The following GOLGA2 variants were observed in gnomAD, a reference collection of about 807,000 sequenced individuals.
The protein encoded by GOLGA2 is golgin subfamily A member 2.
GOLGA2 carries 49 observed loss-of-function variants against 148.8 expected under a neutral mutation model. The observed-to-expected ratio is 0.33, with a 90% CI of 0.26 to 0.42. The LOEUF (loss-of-function observed/expected upper bound fraction) is 0.42, where lower values mean the gene tolerates loss of function less well. Ranked by LOEUF, GOLGA2 falls within the 10% of genes least tolerant of loss-of-function variation. The pLI is 1.00. For missense variants in GOLGA2, 1,178 were observed against 1,304.6 expected, an observed-to-expected ratio of 0.90 and a Z score of 1.49; for synonymous variants, 501 against 511.8, an observed-to-expected ratio of 0.98 and a Z score of 0.28.
chr9:128,257,012 TG>T lies in GOLGA2; in HGVS notation c.*54del. Reference sequence around the variant, plus strand: ...CTGAGAAGGGATGGTAGGGATATGGTGGGGGCAGGGTATCCAGCCCCACTTC... The same window carrying T: ...CTGAGAAGGGATGGTAGGGATATGGTGGGGCAGGGTATCCAGCCCCACTTC... On this transcript the variant is annotated 3_prime_UTR_variant, in exon 27 of 27. Transcript: ENST00000611957. The surrounding 1 kb of genome is among the most constrained non-coding windows in gnomAD (Gnocchi z 8.0). 8 of 1,292,722 alleles carry T rather than the reference TG, an allele frequency of 6.2e-6. No homozygotes were observed. The highest frequency in any genetic ancestry group is 6.7e-6 in the Non-Finnish European group (6 of 901,140). 80.1% of individuals were successfully genotyped at this position (1,292,722 alleles called of 1,614,324 possible). A position where few individuals can be genotyped will look rare whatever the true frequency, so the allele number is the denominator to read the frequency against.
intron 7 of GOLGA2, 39 bp from the exon 8 acceptor site, chr9:128,267,313 G>A (rs539131846): frequency 6.8e-7 from 1 of 1,468,260 alleles, no homozygotes; most frequent in Non-Finnish European, 9.5e-7. Flanking sequence ...GAGGAGGATT[G>A]GGGGGAGAGG....
Position 128,258,830 on chromosome 9 carries a change from C to G in GOLGA2, c.2173+177G>C, listed in dbSNP as rs111534460. 166 of 628,808 alleles carry G rather than the reference C, an allele frequency of 2.6e-4. 5 individuals are homozygous for G. Among genetic ancestry groups the G allele is most frequent in the African/African-American group, 2.2e-3 (122 of 54,616 alleles). The allele number at this position is 628,808 out of a possible 1,614,324, so 39.0% of individuals were successfully genotyped here. The stretch of plus-strand genomic sequence containing the variant: ...GCCAGTTCACCCATCCTTAGGTAAG[C>G]TGGTAGTGCCCTGCTCCCAGGAAGT... On this transcript the variant is annotated intron_variant, in intron 21 of 26. Coordinates refer to ENST00000611957, the MANE Select transcript of GOLGA2 (RefSeq NM_001366244.2). The surrounding 1 kb of genome is among the most constrained non-coding windows in gnomAD (Gnocchi z 6.6).
intron 2 of GOLGA2, among the ~76,000 whole-genome samples, chr9:128,273,447 C>T (rs559888876): frequency 2.0e-5 from 3 of 152,160 alleles, no homozygotes; most frequent in Non-Finnish European, 4.4e-5. Flanking sequence ...GGGGCCCTTT[C>T]AGTGACTCCT....
rs778190317 is a variant in GOLGA2 at position 128,263,084 on chromosome 9, C to T, written c.942G>A (p.Lys314=). The change falls in exon 13 of 27, where the codon AAG becomes AAA. Residue 314 remains lysine (K), a synonymous_variant. Coordinates refer to ENST00000611957, the MANE Select transcript of GOLGA2 (RefSeq NM_001366244.2). Reference sequence around the variant, plus strand: ...GGGCGTCTCTCTCTTTGGTTAACTCCTTGTTGTACTGTAAATACAGAAAGG... The same window carrying T: ...GGGCGTCTCTCTCTTTGGTTAACTCTTTGTTGTACTGTAAATACAGAAAGG... ...TQQKKADRYN[K]ELTKERDALR... is the part of the protein sequence containing the mutation. The T allele has an allele frequency of 1.9e-6, 3 of 1,606,346 alleles. No individual in the cohort carries two copies. Among genetic ancestry groups the T allele is most frequent in the South Asian group, 2.2e-5 (2 of 90,924 alleles).
rs370462787 is a variant in GOLGA2, at chr9:128,266,349, G to A, written c.643-24C>T. 1.9e-6 allele frequency: 3 copies of A among 1,605,488 alleles called. No individual in the cohort carries two copies. The African/African-American group carries it at 4.0e-5, about 21-fold the overall frequency. ...TTCTGTGGGGAAGAGTCAAAGGAAG[G>A]TGACTGAGGGTGGCCCCCTCAACTC... On this transcript the variant is annotated intron_variant, in intron 8 of 26. Coordinates refer to ENST00000611957, the MANE Select transcript of GOLGA2 (RefSeq NM_001366244.2). The surrounding 1 kb of genome is among the most constrained non-coding windows in gnomAD (Gnocchi z 4.2).
At chr9:128,265,745 CAA>C in intron 11 of GOLGA2, 41 bp downstream of exon 11, 1 of 1,611,112 alleles carries the variant, frequency 6.2e-7, no homozygotes, top group Non-Finnish European at 8.5e-7. Flanking sequence ...AAAGGCCTGT[CAA>C]AGTGCCAGGT....
Position 128,267,440 on chromosome 9 carries a change from C to T in GOLGA2, c.561+18G>A, listed in dbSNP as rs775040053. The T allele has an allele frequency of 1.9e-5, 30 of 1,598,994 alleles. No homozygotes were observed. Among genetic ancestry groups the T allele is most frequent in the East Asian group, 2.2e-5 (1 of 44,816 alleles). On this transcript the variant is annotated intron_variant, in intron 7 of 26. Transcript: ENST00000611957. ...GCTGGCCTGCAGGGTCACTGGGCCA[C>T]GGCCCAGGGCCTCTTACCTCCAGAT...
Position 128,266,041 on chromosome 9 carries a change from A to G in GOLGA2, c.682-21T>C, listed in dbSNP as rs1237607871. 3.7e-6 allele frequency: 6 copies of G among 1,601,836 alleles called. No individual in the cohort carries two copies. In the East Asian group the frequency reaches 1.3e-4, roughly 36 times the overall value. On this transcript the variant is annotated intron_variant, in intron 9 of 26. Coordinates refer to ENST00000611957, the MANE Select transcript of GOLGA2 (RefSeq NM_001366244.2). This position sits in a 1 kb window ranked among gnomAD's most constrained non-coding sequence, Gnocchi z 4.2. ...TTTTCCTATAGGAAGAGGAAGACAG[A>G]GCTCTTACGAGGGGGAGGCAGAGAC...
chr9:128,275,475 G>A, intron 1 of GOLGA2: 1 of 1,304,596 alleles, frequency 7.7e-7, no homozygotes. Context: ...ACCCCGGGAG[G>A]TCCGGTTTGG....
intron 1 of GOLGA2, chr9:128,275,558 G>A: frequency 8.2e-7 from 1 of 1,226,984 alleles, no homozygotes; most frequent in Non-Finnish European, 1.1e-6. Context: ...ACTGGCGAGG[G>A]CAGGGGCTGA....
chr9:128,272,040 T>TAAA (rs145810838), intron 3 of GOLGA2, among the ~76,000 whole-genome samples: 4 of 139,394 alleles, frequency 2.9e-5, no homozygotes, highest in South Asian at 2.3e-4. Flanking sequence ...TGAATTAATT[T>TAAA]AAAAAAAAAA....
At position 128,261,895 on chromosome 9, in the gene GOLGA2, A is replaced by G. The variant is rs989028971; in HGVS notation, c.1135-138T>C. ...GCTGTCAAGTTTCTTTGCTTTAGAA[A>G]TAAAAAATAATTTTAAAAAGATCTC... On this transcript the variant is annotated intron_variant, in intron 14 of 26. Coordinates refer to ENST00000611957, the MANE Select transcript of GOLGA2 (RefSeq NM_001366244.2). The surrounding 1 kb of genome is among the most constrained non-coding windows in gnomAD (Gnocchi z 5.7). The G allele has an allele frequency of 4.9e-6, 3 of 617,632 alleles. No individual in the cohort carries two copies. Among genetic ancestry groups the G allele is most frequent in the Admixed American group, 2.9e-5 (1 of 34,348 alleles). The allele number at this position is 617,632 out of a possible 1,614,324, so 38.3% of individuals were successfully genotyped here.
rs747926513 is a variant in GOLGA2, at chr9:128,272,886, A to G, written c.208-21T>C. 47 of 1,127,766 alleles carry G rather than the reference A, an allele frequency of 4.2e-5. No individual in the cohort carries two copies. In the East Asian group the frequency reaches 6.4e-4, roughly 15 times the overall value. 69.9% of individuals were successfully genotyped at this position (1,127,766 alleles called of 1,614,324 possible). A position where few individuals can be genotyped will look rare whatever the true frequency, so the allele number is the denominator to read the frequency against. On this transcript the variant is annotated intron_variant, in intron 2 of 26. Transcript: ENST00000611957. ...TGAATCTACAGGAGGCGAAAAGGGA[A>G]AAACAAGGGCAGGGGGAGAAAGGTA...
rs1306383011 is a variant in GOLGA2 at position 128,267,272 on chromosome 9, G to A, written c.564C>T (p.Ser188=). 6.2e-7 allele frequency: 1 copy of A among 1,603,414 alleles called. No individual in the cohort carries two copies. The highest frequency in any genetic ancestry group is 8.5e-7 in the Non-Finnish European group (1 of 1,170,374). The change falls in exon 8 of 27, where the codon AGC becomes AGT. Residue 188 remains serine, a splice_region_variant and synonymous_variant. Transcript: ENST00000611957. ...GGGCTACCGCTAGCTGTTGGTACCG[G>A]CTCTGAGGCGCATGCAGAGAGGAGG... is the stretch of plus-strand genomic sequence containing the variant. The part of the protein sequence containing the change: ...ASSANLKDLE[S]RYQQLAVALD...
chr9:128,267,394 G>T, intron 7 of GOLGA2, 64 bp downstream of exon 7: 1 of 1,486,022 alleles, frequency 6.7e-7, no homozygotes, highest in East Asian at 2.3e-5. Flanking sequence ...CCCAGCCCCC[G>T]CTGTGGGAGG....
intron 1 of GOLGA2, chr9:128,275,540 C>T (rs1171612444): frequency 1.6e-6 from 2 of 1,281,528 alleles, no homozygotes; most frequent in African/African-American, 1.6e-5. Context: ...AGTCACGGGC[C>T]CAAAGTCACT....
rs767696290 is a variant in GOLGA2 at position 128,258,086 on chromosome 9, G to A, written c.2402C>T (p.Ser801Leu). ...TGCTGCCTCAGGCTCCTTCTGGGCC[G>A]AGGCCAGCAGGTGAGCCAGGCGCCG... Reference protein sequence around the residue: ...RCRRLAHLLASAQKEPEAAAP... With the variant: ...RCRRLAHLLALAQKEPEAAAP... Residue 801 changes from serine to leucine, a missense_variant, in exon 23 of 27, where the codon TCG (serine) becomes TTG (leucine). Ser to Leu is a moderately radical substitution (Grantham distance 145). Transcript: ENST00000611957. The surrounding 1 kb of genome is among the most constrained non-coding windows in gnomAD (Gnocchi z 6.6). The A allele has an allele frequency of 2.5e-5, 40 of 1,610,458 alleles. No individual in the cohort carries two copies. The South Asian group carries it at 3.1e-4, about 12-fold the overall frequency.
In GOLGA2 at chr9:128,257,787, C is replaced by G. The variant is rs529272291; in HGVS notation, c.2611+3G>C. 1 of 1,613,504 alleles carries G rather than the reference C, an allele frequency of 6.2e-7. No homozygotes were observed. The highest frequency in any genetic ancestry group is 2.2e-5 in the East Asian group (1 of 44,866). Reference sequence around the variant, plus strand: ...TCCTGCCGTGCCCTGGCCTCCCACTCACCAATGGTGTCTGTCTCTCCAGAA... The same window carrying G: ...TCCTGCCGTGCCCTGGCCTCCCACTGACCAATGGTGTCTGTCTCTCCAGAA... On this transcript the variant is annotated splice_donor_region_variant and intron_variant, in intron 24 of 26. Coordinates refer to ENST00000611957, the MANE Select transcript of GOLGA2 (RefSeq NM_001366244.2). The surrounding 1 kb of genome is among the most constrained non-coding windows in gnomAD (Gnocchi z 8.0).
chr9:128,260,010 C>T lies in GOLGA2; in HGVS notation c.1872+66G>A. The T allele has an allele frequency of 1.7e-6, 2 of 1,166,282 alleles. No individual in the cohort carries two copies. The highest frequency in any genetic ancestry group is 2.6e-6 in the Non-Finnish European group (2 of 784,246). The allele number at this position is 1,166,282 out of a possible 1,614,324, so 72.2% of individuals were successfully genotyped here. A position where few individuals can be genotyped will look rare whatever the true frequency, so the allele number is the denominator to read the frequency against. ...GCCCCAGGCTGGAGCTGCCTCTGGC[C>T]TCACACCACCCCTCCCCAGAGGCTG... On this transcript the variant is annotated intron_variant, in intron 19 of 26. Transcript: ENST00000611957. This position sits in a 1 kb window ranked among gnomAD's most constrained non-coding sequence, Gnocchi z 4.8.
Sources: gnomAD v4.1 joint callset for allele counts (sites outside exome capture counted in the v4.1 genomes callset) on GRCh38, gnomAD v4.1.1 for gene constraint, Gnocchi (gnomAD v3.1) non-coding constraint, MANE v1.5 for transcripts, NCBI Gene and HGNC (gene_info 2026-07-23, HGNC 2026-07-21) for gene names.